The following CTNNA3 variants were observed in gnomAD, a reference collection of about 807,000 sequenced individuals.
The protein encoded by CTNNA3 is catenin alpha-3.
Under a neutral mutation model 95.7 loss-of-function variants are expected in CTNNA3, and 76 were observed. The observed-to-expected ratio is 0.79, with a 90% CI of 0.66 to 0.96. The LOEUF (loss-of-function observed/expected upper bound fraction) is 0.96. Among genes scored for constraint, CTNNA3 ranks in the 40% least tolerant of loss-of-function variants. The probability of loss-of-function intolerance (pLI) is 0.00; values close to 1 mark genes in which losing one functional copy is unlikely to be tolerated. For missense variants in CTNNA3, 1,191 were observed against 1,089.8 expected, an observed-to-expected ratio of 1.09 and a Z score of -1.31; for synonymous variants, 431 against 374.4, an observed-to-expected ratio of 1.15 and a Z score of -1.74.
upstream of CTNNA3, chr10:67,696,279 G>A (rs959143223): frequency 1.3e-5 from 2 of 152,094 alleles, no homozygotes; most frequent in African/African-American, 4.8e-5. Context: ...AAAATACTTC[G>A]TTGAAAAAGG....
chr10:67,070,278 G>A (rs1856367392), intron 7 of CTNNA3, among the ~76,000 whole-genome samples: 1 of 151,978 alleles, frequency 6.6e-6, no homozygotes, highest in Admixed American at 6.6e-5. Context: ...ATTTGCAGGA[G>A]TTCTTATGTA....
At chr10:66,926,015 T>C in intron 7 of CTNNA3, 1 of 456,822 alleles carries the variant, frequency 2.2e-6, no homozygotes, top group Non-Finnish European at 4.4e-6. Flanking sequence ...TACATAAGAC[T>C]GCATTCACTG....
At chr10:65,925,775 AC>A (rs1216526013) in intron 17 of CTNNA3, among the ~76,000 whole-genome samples, 3 of 152,086 alleles carry the variant, frequency 2.0e-5, no homozygotes, top group Non-Finnish European at 4.4e-5. Flanking sequence ...CTTTCTACTG[AC>A]TTTTTCACTG....
At chr10:67,511,540 G>A (rs1233727394) in intron 5 of CTNNA3, among the ~76,000 whole-genome samples, 2 of 152,184 alleles carry the variant, frequency 1.3e-5, no homozygotes, top group African/African-American at 4.8e-5. Flanking sequence ...TCCCAGGGAT[G>A]AAGCCTACTT....
chr10:66,186,648 A>C (rs2086359665), intron 13 of CTNNA3, among the ~76,000 whole-genome samples: 1 of 152,162 alleles, frequency 6.6e-6, no homozygotes, highest in African/African-American at 2.4e-5. Context: ...GGTTATTGTC[A>C]AGACTGGTTT....
intron 7 of CTNNA3, among the ~76,000 whole-genome samples, chr10:67,001,757 ACT>A (rs1271174709): frequency 1.3e-5 from 2 of 152,144 alleles, no homozygotes; most frequent in East Asian, 1.9e-4. Context: ...CAAAAGGCAC[ACT>A]CACACTATCT....
At chr10:66,889,899 T>C (rs1426763356) in intron 7 of CTNNA3, among the ~76,000 whole-genome samples, 1 of 151,438 alleles carries the variant, frequency 6.6e-6, no homozygotes, top group Non-Finnish European at 1.5e-5. Context: ...CCAGCGATTC[T>C]CCTGCCTCAG....
intron 11 of CTNNA3, among the ~76,000 whole-genome samples, chr10:66,506,489 A>G (rs1840454984): frequency 6.6e-6 from 1 of 152,140 alleles, no homozygotes; most frequent in Non-Finnish European, 1.5e-5. Context: ...TAAAGGTTCA[A>G]TTCAATAATC....
Position 67,244,323 on chromosome 10 carries a change from C to T in CTNNA3, c.580-24453G>A, listed in dbSNP as rs78814011. 6.6e-3 allele frequency among the ~76,000 whole-genome samples: 1,005 copies of T among 152,252 alleles called. 9 individuals carry two copies. The highest frequency in any genetic ancestry group is 0.019 in the African/African-American group (794 of 41,530). ...GTTCTAAAATATACCTAATTTCTAA[C>T]ACATTCCCCAACAGAAACAAGACTG... On this transcript the variant is annotated intron_variant, in intron 5 of 17. Transcript: ENST00000433211.
chr10:67,066,907 T>C (rs1283561715), intron 7 of CTNNA3, among the ~76,000 whole-genome samples: 1 of 152,196 alleles, frequency 6.6e-6, no homozygotes, highest in Non-Finnish European at 1.5e-5. Context: ...AATATGGAAG[T>C]TTGGACATGA....
chr10:66,835,237 G>C (rs1163134127), intron 7 of CTNNA3, among the ~76,000 whole-genome samples: 1 of 152,114 alleles, frequency 6.6e-6, no homozygotes, highest in African/African-American at 2.4e-5. Flanking sequence ...TGTAATAAGA[G>C]AGAACAAAAA....
chr10:66,864,934 T>C (rs1246487310), intron 7 of CTNNA3, among the ~76,000 whole-genome samples: 4 of 152,120 alleles, frequency 2.6e-5, no homozygotes, highest in Admixed American at 6.6e-5. Context: ...ATTGTATACA[T>C]TTAGATATTT....
intron 11 of CTNNA3, among the ~76,000 whole-genome samples, chr10:66,428,752 C>A (rs1266893070): frequency 4.6e-5 from 7 of 152,002 alleles, no homozygotes; most frequent in African/African-American, 2.4e-5. Flanking sequence ...ACATTTAAAG[C>A]AGTGTGTAGA....
chr10:67,302,793 G>C (rs1468203738), intron 5 of CTNNA3, among the ~76,000 whole-genome samples: 1 of 152,154 alleles, frequency 6.6e-6, no homozygotes, highest in Non-Finnish European at 1.5e-5. Context: ...TGTTGACTAG[G>C]AACATTTTTG....
At chr10:67,434,177 A>G (rs1334724096) in intron 5 of CTNNA3, among the ~76,000 whole-genome samples, 1 of 152,034 alleles carries the variant, frequency 6.6e-6, no homozygotes, top group Non-Finnish European at 1.5e-5. Context: ...ACAGCTTTGG[A>G]ATGAGTCAGA....
chr10:66,919,904 T>C (rs1440744848), intron 7 of CTNNA3, among the ~76,000 whole-genome samples: 1 of 152,198 alleles, frequency 6.6e-6, no homozygotes, highest in Non-Finnish European at 1.5e-5. Flanking sequence ...GTCACAAACA[T>C]TAAACTCTTT....
chr10:67,246,645 T>C (rs1865920499), intron 5 of CTNNA3, among the ~76,000 whole-genome samples: 1 of 152,162 alleles, frequency 6.6e-6, no homozygotes, highest in Non-Finnish European at 1.5e-5. Context: ...TTTACAGCAA[T>C]GATAACTGAT....
intron 5 of CTNNA3, among the ~76,000 whole-genome samples, chr10:67,415,061 G>T (rs1212040651): frequency 6.6e-6 from 1 of 152,086 alleles, no homozygotes. Context: ...GACTGAATGG[G>T]CAAATGATGG....
intron 14 of CTNNA3, among the ~76,000 whole-genome samples, chr10:66,071,513 A>T (rs1272799657): frequency 6.6e-6 from 1 of 152,176 alleles, no homozygotes; most frequent in African/African-American, 2.4e-5. Flanking sequence ...TGGTAGAATC[A>T]GGATGTAAAT....
Sources: gnomAD v4.1 joint callset for allele counts (sites outside exome capture counted in the v4.1 genomes callset) on GRCh38, gnomAD v4.1.1 for gene constraint, MANE v1.5 for transcripts, NCBI Gene and HGNC (gene_info 2026-07-23, HGNC 2026-07-21) for gene names.